ZRANB3: variants seen among roughly 807,000 people sequenced by gnomAD.
ZRANB3 encodes DNA annealing helicase and endonuclease ZRANB3.
In ZRANB3, 125 loss-of-function variants were observed where a neutral mutation model predicts 133.8. That is an observed-to-expected ratio of 0.93 (90% CI 0.81 to 1.08). ZRANB3 has a LOEUF of 1.08. ZRANB3 is among the 50% of genes least tolerant of loss of function. ZRANB3 has a pLI of 0.00. For synonymous variants in ZRANB3, 387 were observed against 432.7 expected (o/e 0.89, Z 1.31); for missense variants, 1,229 against 1,275.5 (o/e 0.96, Z 0.56).
rs777474424 is a variant in ZRANB3, at chr2:135,265,534, G to A, written c.1539C>T (p.His513=). The A allele has an allele frequency of 9.9e-6, 16 of 1,611,152 alleles. No individual in the cohort carries two copies. Among genetic ancestry groups the A allele is most frequent in the African/African-American group, 2.7e-5 (2 of 74,774 alleles). Residue 513 remains histidine, a splice_region_variant and synonymous_variant, in exon 12 of 21, where the codon CAC becomes CAT. Coordinates refer to ENST00000264159, the MANE Select transcript of ZRANB3 (RefSeq NM_032143.4). ...EELRKEALFT[H]FEKEKQHDIR... ...AAAAGAGTAAGGCATATAATCTTAC[G>A]TGAGTGAACAAAGCTTCCTTCCTTA...
chr2:135,379,174 G>A (rs1686572735), intron 3 of ZRANB3, among the ~76,000 whole-genome samples: 1 of 152,074 alleles, frequency 6.6e-6, no homozygotes, highest in Non-Finnish European at 1.5e-5. Context: ...ATCTAAAATT[G>A]TATTAAATTA....
intron 8 of ZRANB3, among the ~76,000 whole-genome samples, chr2:135,294,600 G>A (rs1442515300): frequency 1.3e-5 from 2 of 152,038 alleles, no homozygotes; most frequent in Non-Finnish European, 2.9e-5. Context: ...ATTTCCTTCA[G>A]TACTACTCTG....
chr2:135,406,967 G>T (rs1277551753), intron 2 of ZRANB3, among the ~76,000 whole-genome samples: 1 of 152,144 alleles, frequency 6.6e-6, no homozygotes, highest in East Asian at 1.9e-4. Context: ...GGAAGTTCTG[G>T]CCAGGGCAAT....
intron 2 of ZRANB3, among the ~76,000 whole-genome samples, chr2:135,450,262 CA>C (rs954913852): frequency 1.5e-5 from 2 of 129,302 alleles, no homozygotes; most frequent in Non-Finnish European, 3.3e-5. Flanking sequence ...CACTCCGTCT[CA>C]AAAAAAATAA....
intron 8 of ZRANB3, among the ~76,000 whole-genome samples, chr2:135,296,442 T>G (rs554631916): frequency 5.3e-5 from 8 of 152,326 alleles, no homozygotes; most frequent in South Asian, 2.1e-4. Flanking sequence ...GTCCTTTAAG[T>G]ACTTTTGTGC....
In ZRANB3 at chr2:135,229,659, G is replaced by A. The variant is rs181777697; in HGVS notation, c.1954+854C>T. 3.0e-3 allele frequency among the ~76,000 whole-genome samples: 458 copies of A among 152,178 alleles called. 3 individuals carry two copies. Among genetic ancestry groups the A allele is most frequent in the African/African-American group, 0.01 (423 of 41,550 alleles). ...TGGGATTACAGGCGTGAGCCACCGC[G>A]CCCGGCCGCCAATATTTTGAAGAGT... On this transcript the variant is annotated intron_variant, in intron 13 of 20. Transcript: ENST00000264159.
intron 15 of ZRANB3, among the ~76,000 whole-genome samples, chr2:135,220,854 A>ATTTT (rs199874707): frequency 6.9e-6 from 1 of 144,958 alleles, no homozygotes; most frequent in African/African-American, 2.7e-5. Context: ...TGAACTAGGA[A>ATTTT]TTTATTTTTT....
chr2:135,308,077 C>G (rs1682788432), intron 8 of ZRANB3, among the ~76,000 whole-genome samples: 1 of 152,038 alleles, frequency 6.6e-6, no homozygotes, highest in Admixed American at 6.6e-5. Flanking sequence ...ACCAACTCAG[C>G]ATAAGACAAA....
chr2:135,275,599 A>G, intron 9 of ZRANB3, 37 bp downstream of exon 9: 1 of 1,525,534 alleles, frequency 6.6e-7, no homozygotes, highest in African/African-American at 1.4e-5. Flanking sequence ...AAAAATATGC[A>G]TTCTAAAAAG....
intron 7 of ZRANB3, among the ~76,000 whole-genome samples, chr2:135,315,138 T>A (rs975196877): frequency 5.3e-5 from 8 of 152,178 alleles, no homozygotes; most frequent in Non-Finnish European, 1.0e-4. Flanking sequence ...ACTTTTTTTT[T>A]AAACCACTAG....
intron 12 of ZRANB3, among the ~76,000 whole-genome samples, chr2:135,256,048 G>T (rs991950742): frequency 1.3e-5 from 2 of 151,632 alleles, no homozygotes; most frequent in African/African-American, 4.8e-5. Context: ...CTGAGTAGCT[G>T]GGACTACAGG....
chr2:135,408,726 C>A (rs191052775), intron 2 of ZRANB3, among the ~76,000 whole-genome samples: 49 of 147,732 alleles, frequency 3.3e-4, no homozygotes, highest in African/African-American at 1.1e-3. Flanking sequence ...ATCGCAAGGA[C>A]AAAAAACTGA....
intron 2 of ZRANB3, among the ~76,000 whole-genome samples, chr2:135,433,258 G>A (rs1689394637): frequency 6.6e-6 from 1 of 151,884 alleles, no homozygotes; most frequent in African/African-American, 2.4e-5. Flanking sequence ...GTGGTGACGT[G>A]CGCCTGTAAT....
intron 1 of ZRANB3, among the ~76,000 whole-genome samples, chr2:135,516,500 G>C (rs1428257572): frequency 6.6e-6 from 1 of 152,198 alleles, no homozygotes; most frequent in Non-Finnish European, 1.5e-5. Context: ...TGTCTGTAAA[G>C]GATTTTATTT....
At chr2:135,201,664 CAAAA>C (rs1286669177) in intron 20 of ZRANB3, among the ~76,000 whole-genome samples, 1 of 66,910 alleles carries the variant, frequency 1.5e-5, no homozygotes, top group East Asian at 4.4e-4. Flanking sequence ...GACTCTGTCT[CAAAA>C]AAAAAAAAAA....
At chr2:135,416,840 G>C (rs1321847000) in intron 2 of ZRANB3, among the ~76,000 whole-genome samples, 3 of 152,090 alleles carry the variant, frequency 2.0e-5, no homozygotes, top group African/African-American at 7.2e-5. Flanking sequence ...ACAAACCTCA[G>C]AAAAACAAGC....
rs1257260227 is a variant in ZRANB3 at position 135,511,489 on chromosome 2, A to T, written c.-7-6993T>A. The T allele has an allele frequency of 5.7e-6, 5 of 876,280 alleles. No homozygotes were observed. The African/African-American group carries it at 8.2e-5, about 14-fold the overall frequency. 54.3% of individuals were successfully genotyped at this position (876,280 alleles called of 1,614,324 possible). Reference sequence around the variant, plus strand: ...TGTCTTTTCTTCACGTTCCTCTACTACTTCTTCAGACTCCTCCTGAGGCTC... The same window carrying T: ...TGTCTTTTCTTCACGTTCCTCTACTTCTTCTTCAGACTCCTCCTGAGGCTC... On this transcript the variant is annotated intron_variant, in intron 1 of 20. Coordinates refer to ENST00000264159, the MANE Select transcript of ZRANB3 (RefSeq NM_032143.4).
intron 7 of ZRANB3, among the ~76,000 whole-genome samples, chr2:135,314,646 G>T (rs925834852): frequency 6.6e-6 from 1 of 152,132 alleles, no homozygotes; most frequent in Non-Finnish European, 1.5e-5. Flanking sequence ...AGGGCTGCAT[G>T]AAGTTTTTCT....
At chr2:135,455,007 C>A (rs1308224496) in intron 2 of ZRANB3, among the ~76,000 whole-genome samples, 2 of 151,892 alleles carry the variant, frequency 1.3e-5, no homozygotes, top group African/African-American at 2.4e-5. Context: ...TTTCAGCCAA[C>A]AAAAGAGGCA....
Sources: gnomAD v4.1 joint callset for allele counts (sites outside exome capture counted in the v4.1 genomes callset) on GRCh38, gnomAD v4.1.1 for gene constraint, MANE v1.5 for transcripts, NCBI Gene and HGNC (gene_info 2026-07-23, HGNC 2026-07-21) for gene names.